The following ELMOD1 variants were observed in gnomAD, a reference collection of about 807,000 sequenced individuals.
ELMOD1 encodes ELMO domain containing 1, also known as ELMO domain-containing protein 1.
Under a neutral mutation model 46.7 loss-of-function variants are expected in ELMOD1, and 21 were observed. That is an observed-to-expected ratio of 0.45 (90% CI 0.32 to 0.65). The LOEUF is 0.65. ELMOD1 is among the 30% of genes least tolerant of loss of function. The pLI, the probability that ELMOD1 is intolerant of heterozygous loss-of-function variation, is 0.04. For synonymous variants in ELMOD1, 122 were observed against 138.2 expected (o/e 0.88, Z 0.82); for missense variants, 348 against 407.8 (o/e 0.85, Z 1.26).
chr11:107,650,776 A>C, intron 8 of ELMOD1, 109 bp from the exon 9 acceptor site: 1 of 772,666 alleles, frequency 1.3e-6, no homozygotes. Context: ...AAGTGAGAAC[A>C]TCTGGAATTA....
chr11:107,618,966 G>C (rs635944), intron 2 of ELMOD1, among the ~76,000 whole-genome samples: 1 of 152,080 alleles, frequency 6.6e-6, no homozygotes, highest in African/African-American at 2.4e-5. Flanking sequence ...CCAGAAGATC[G>C]GGCTTCTTTT....
At chr11:107,597,362 T>C (rs1175782978) in intron 1 of ELMOD1, among the ~76,000 whole-genome samples, 1 of 152,200 alleles carries the variant, frequency 6.6e-6, no homozygotes, top group Non-Finnish European at 1.5e-5. Context: ...AAAAATAGTT[T>C]TAGTTCACTT....
chr11:107,613,701 G>C (rs1228469903), intron 1 of ELMOD1, among the ~76,000 whole-genome samples: 1 of 152,066 alleles, frequency 6.6e-6, no homozygotes, highest in African/African-American at 2.4e-5. Flanking sequence ...CCACTTAACA[G>C]TACAGAATTG....
intron 11 of ELMOD1, among the ~76,000 whole-genome samples, chr11:107,656,276 T>C (rs2135714825): frequency 6.6e-6 from 1 of 151,782 alleles, no homozygotes; most frequent in South Asian, 2.1e-4. Flanking sequence ...TAATCCCAGC[T>C]ACTTGGGAGG....
chr11:107,602,353 G>A (rs576674321), intron 1 of ELMOD1, among the ~76,000 whole-genome samples: 4 of 152,096 alleles, frequency 2.6e-5, no homozygotes, highest in East Asian at 1.9e-4. Flanking sequence ...TTTTTGATCC[G>A]GAGACTCATG....
intron 2 of ELMOD1, among the ~76,000 whole-genome samples, chr11:107,624,300 T>C (rs971888620): frequency 1.3e-5 from 2 of 152,224 alleles, no homozygotes; most frequent in African/African-American, 4.8e-5. Flanking sequence ...TGTTTCTCCT[T>C]ATAAATAAGT....
rs185150648 is a variant in ELMOD1 at position 107,592,023 on chromosome 11, G to C, written c.-86+614G>C. On this transcript the variant is annotated intron_variant, in intron 1 of 11. Coordinates refer to ENST00000265840, the MANE Select transcript of ELMOD1 (RefSeq NM_018712.4). ...GCAGGTAGAATTGGACAGCCGAGTG[G>C]GGAGTGACAGCTGACAGCTGACGGG... 3.8e-4 allele frequency: 188 copies of C among 493,602 alleles called. No homozygotes were observed. The East Asian group carries it at 1.0e-2, about 26-fold the overall frequency. 30.6% of individuals were successfully genotyped at this position (493,602 alleles called of 1,614,324 possible). A position where few individuals can be genotyped will look rare whatever the true frequency, so the allele number is the denominator to read the frequency against.
At chr11:107,648,272 G>GC (rs1866467706) in intron 7 of ELMOD1, among the ~76,000 whole-genome samples, 1 of 151,974 alleles carries the variant, frequency 6.6e-6, no homozygotes, top group Non-Finnish European at 1.5e-5. Context: ...CCTTCCTTTT[G>GC]CCCCCTCCTC....
At chr11:107,639,397 G>A (rs1460321926) in intron 6 of ELMOD1, among the ~76,000 whole-genome samples, 1 of 152,076 alleles carries the variant, frequency 6.6e-6, no homozygotes, top group African/African-American at 2.4e-5. Flanking sequence ...CACTTATATA[G>A]ACATTTCTAT....
chr11:107,617,356 T>C lies in ELMOD1; in HGVS notation c.-85-749T>C, dbSNP rs534810917. On this transcript the variant is annotated intron_variant, in intron 1 of 11. Coordinates refer to ENST00000265840, the MANE Select transcript of ELMOD1 (RefSeq NM_018712.4). ...CTGCAGTGGATGTTCCATTTCTCTCTTTTCTCATGAGATAACTTCTCTCCA... is the reference window on the plus strand; with the variant it reads ...CTGCAGTGGATGTTCCATTTCTCTCCTTTCTCATGAGATAACTTCTCTCCA... 2.1e-3 allele frequency among the ~76,000 whole-genome samples: 327 copies of C among 152,346 alleles called. 1 individual carries two copies. Among genetic ancestry groups the C allele is most frequent in the African/African-American group, 7.6e-3 (314 of 41,582 alleles).
chr11:107,599,950 G>A (rs1419958356), intron 1 of ELMOD1, among the ~76,000 whole-genome samples: 1 of 151,980 alleles, frequency 6.6e-6, no homozygotes, highest in Non-Finnish European at 1.5e-5. Flanking sequence ...TCTAACTTCT[G>A]TTATAAACCA....
chr11:107,642,569 C>G (rs1480957412), intron 6 of ELMOD1, among the ~76,000 whole-genome samples: 2 of 152,052 alleles, frequency 1.3e-5, no homozygotes, highest in Non-Finnish European at 2.9e-5. Context: ...CGGGGTTTCA[C>G]CGTCTTGGCC....
rs552707946 is a variant in ELMOD1, at chr11:107,662,240, C to T, written c.833-2785C>T. Reference sequence around the variant, plus strand: ...CTCACTGAAGCCTCAAACTCCTGGGCTCAAGTGATCCTCCTGCCTCAGCCT... The same window carrying T: ...CTCACTGAAGCCTCAAACTCCTGGGTTCAAGTGATCCTCCTGCCTCAGCCT... On this transcript the variant is annotated intron_variant, in intron 11 of 11. Coordinates refer to ENST00000265840, the MANE Select transcript of ELMOD1 (RefSeq NM_018712.4). 1.4e-4 allele frequency among the ~76,000 whole-genome samples: 22 copies of T among 152,288 alleles called. 1 individual carries two copies. In the South Asian group the frequency reaches 4.4e-3, roughly 30 times the overall value.
At chr11:107,615,440 G>A (rs1865846379) in intron 1 of ELMOD1, among the ~76,000 whole-genome samples, 1 of 151,610 alleles carries the variant, frequency 6.6e-6, no homozygotes, top group African/African-American at 2.4e-5. Flanking sequence ...TCACCATGTT[G>A]GCCAGGATGG....
chr11:107,639,801 T>C (rs1866289580), intron 6 of ELMOD1, among the ~76,000 whole-genome samples: 1 of 152,144 alleles, frequency 6.6e-6, no homozygotes, highest in South Asian at 2.1e-4. Context: ...GGTGGCTTTG[T>C]AGTAACTACT....
At chr11:107,614,392 G>A (rs1865826759) in intron 1 of ELMOD1, among the ~76,000 whole-genome samples, 1 of 152,176 alleles carries the variant, frequency 6.6e-6, no homozygotes. Flanking sequence ...AGGCTGGAGT[G>A]CAATGGTGCA....
intron 6 of ELMOD1, 92 bp downstream of exon 6, chr11:107,635,857 G>C: frequency 1.5e-6 from 2 of 1,355,028 alleles, no homozygotes; most frequent in African/African-American, 3.0e-5. Context: ...TGGACATCAG[G>C]GGTACAAAGA....
chr11:107,629,443 G>A (rs896422328), intron 2 of ELMOD1, among the ~76,000 whole-genome samples: 1 of 152,176 alleles, frequency 6.6e-6, no homozygotes, highest in African/African-American at 2.4e-5. Flanking sequence ...AGAGAAAATA[G>A]GTTGACTATA....
intron 6 of ELMOD1, among the ~76,000 whole-genome samples, chr11:107,637,408 T>C (rs1246477028): frequency 6.6e-6 from 1 of 152,076 alleles, no homozygotes; most frequent in Non-Finnish European, 1.5e-5. Context: ...AATCACTAAA[T>C]CTGGCCAGGT....
Sources: gnomAD v4.1 joint callset for allele counts (sites outside exome capture counted in the v4.1 genomes callset) on GRCh38, gnomAD v4.1.1 for gene constraint, MANE v1.5 for transcripts, NCBI Gene and HGNC (gene_info 2026-07-23, HGNC 2026-07-21) for gene names.